The following GRIK2 variants were observed in gnomAD, a reference collection of about 807,000 sequenced individuals.
GRIK2 encodes the protein glutamate ionotropic receptor kainate type subunit 2.
Under a neutral mutation model 100.3 loss-of-function variants are expected in GRIK2, and 32 were observed. That is an observed-to-expected ratio of 0.32 (90% confidence interval 0.24 to 0.43). The LOEUF (loss-of-function observed/expected upper bound fraction) is 0.43. GRIK2 is among the 20% of genes least tolerant of loss of function. The pLI is 1.00. For missense variants in GRIK2, 843 were observed against 1,114.9 expected (o/e 0.76, Z 3.47); for synonymous variants, 417 against 389.4 (o/e 1.07, Z -0.83).
chr6:101,976,899 G>T (rs1338274789), intron 14 of GRIK2, among the ~76,000 whole-genome samples: 1 of 151,836 alleles, frequency 6.6e-6, no homozygotes, highest in Non-Finnish European at 1.5e-5. Flanking sequence ...ACTGAAGAGT[G>T]GGGGAATAGT....
At chr6:101,781,016 G>A (rs1461729088) in intron 7 of GRIK2, among the ~76,000 whole-genome samples, 1 of 152,158 alleles carries the variant, frequency 6.6e-6, no homozygotes, top group African/African-American at 2.4e-5. Flanking sequence ...TTTGCATCCT[G>A]CTCAGTTCAG....
chr6:101,398,198 G>A (rs1022671055), intron 1 of GRIK2, among the ~76,000 whole-genome samples: 1 of 152,106 alleles, frequency 6.6e-6, no homozygotes, highest in Non-Finnish European at 1.5e-5. Context: ...ACCAAAATAC[G>A]AAGAAATTTG....
At chr6:101,425,915 C>T (rs986238493) in intron 2 of GRIK2, among the ~76,000 whole-genome samples, 1 of 152,202 alleles carries the variant, frequency 6.6e-6, no homozygotes, top group African/African-American at 2.4e-5. Flanking sequence ...CTCACTAGCA[C>T]TGAGGCCATC....
chr6:101,492,281 C>A (rs1452694540), intron 2 of GRIK2, among the ~76,000 whole-genome samples: 1 of 151,792 alleles, frequency 6.6e-6, no homozygotes, highest in Non-Finnish European at 1.5e-5. Context: ...CATTTATTAG[C>A]TGATATTAAT....
chr6:101,803,117 G>T (rs1325336528), intron 9 of GRIK2, among the ~76,000 whole-genome samples: 1 of 151,774 alleles, frequency 6.6e-6, no homozygotes, highest in Non-Finnish European at 1.5e-5. Flanking sequence ...ATGTTATTTA[G>T]ATGTTATTAA....
chr6:101,483,773 G>A (rs1237213635), intron 2 of GRIK2, among the ~76,000 whole-genome samples: 2 of 151,914 alleles, frequency 1.3e-5, no homozygotes, highest in Admixed American at 6.6e-5. Context: ...GATGGGTTTC[G>A]CCATGTTGGC....
intron 14 of GRIK2, among the ~76,000 whole-genome samples, chr6:102,004,822 A>G (rs964950374): frequency 6.6e-6 from 1 of 151,818 alleles, no homozygotes; most frequent in African/African-American, 2.4e-5. Flanking sequence ...TTATATTGTT[A>G]TAGTTAAACT....
intron 12 of GRIK2, among the ~76,000 whole-genome samples, chr6:101,907,970 T>C (rs1202648682): frequency 6.6e-6 from 1 of 151,580 alleles, no homozygotes; most frequent in Admixed American, 6.6e-5. Context: ...ATCTTCCTCC[T>C]CCTTCTTCAT....
intron 2 of GRIK2, among the ~76,000 whole-genome samples, chr6:101,472,871 C>A (rs1375003189): frequency 6.6e-6 from 1 of 151,494 alleles, no homozygotes; most frequent in Admixed American, 6.6e-5. Flanking sequence ...TATTTATTTT[C>A]AATTTTTTTG....
chr6:101,744,105 G>A (rs2128379524), intron 7 of GRIK2, among the ~76,000 whole-genome samples: 1 of 151,980 alleles, frequency 6.6e-6, no homozygotes, highest in South Asian at 2.1e-4. Context: ...ACCACGCCCG[G>A]CTAATTTTTT....
At chr6:101,504,798 A>T (rs1773938997) in intron 2 of GRIK2, among the ~76,000 whole-genome samples, 1 of 152,106 alleles carries the variant, frequency 6.6e-6, no homozygotes, top group African/African-American at 2.4e-5. Flanking sequence ...GAATTTATGT[A>T]GCCTAGGATC....
chr6:101,665,718 A>G (rs1316209998), intron 4 of GRIK2, among the ~76,000 whole-genome samples: 3 of 152,202 alleles, frequency 2.0e-5, no homozygotes, highest in Non-Finnish European at 4.4e-5. Flanking sequence ...TTAGTCCAGT[A>G]TGTTAGAAGA....
chr6:102,002,747 A>G (rs1795016538), intron 14 of GRIK2, among the ~76,000 whole-genome samples: 1 of 150,838 alleles, frequency 6.6e-6, no homozygotes, highest in African/African-American at 2.4e-5. Context: ...AAGAACAATG[A>G]TAAAAAAAAC....
At chr6:101,581,320 GTA>G (rs890652840) in intron 2 of GRIK2, among the ~76,000 whole-genome samples, 19 of 151,564 alleles carry the variant, frequency 1.3e-4, no homozygotes, top group African/African-American at 4.6e-4. Flanking sequence ...ATATGTATAT[GTA>G]TATATAATTA....
intron 7 of GRIK2, among the ~76,000 whole-genome samples, chr6:101,690,705 T>C (rs903712564): frequency 6.6e-6 from 1 of 152,080 alleles, no homozygotes; most frequent in East Asian, 1.9e-4. Flanking sequence ...GCTTGCTCCC[T>C]GTTCCACCAA....
chr6:101,628,926 C>T (rs958252346), intron 4 of GRIK2, among the ~76,000 whole-genome samples: 3 of 152,078 alleles, frequency 2.0e-5, no homozygotes, highest in African/African-American at 7.2e-5. Flanking sequence ...CGTGTATGCA[C>T]ATGTGTGGCA....
chr6:101,862,941 G>T (rs989706819), intron 11 of GRIK2, among the ~76,000 whole-genome samples: 1 of 152,046 alleles, frequency 6.6e-6, no homozygotes. Flanking sequence ...TTGATGACTT[G>T]AAATTTTTTG....
intron 2 of GRIK2, among the ~76,000 whole-genome samples, chr6:101,405,117 A>G (rs1775526191): frequency 1.3e-5 from 2 of 152,218 alleles, no homozygotes; most frequent in South Asian, 4.1e-4. Flanking sequence ...GGTGCTGACT[A>G]AATAGAACGC....
chr6:101,822,842 C>A (rs1782042541), intron 10 of GRIK2, among the ~76,000 whole-genome samples: 1 of 151,846 alleles, frequency 6.6e-6, no homozygotes, highest in East Asian at 1.9e-4. Context: ...GGGTTTCAAC[C>A]AATCTGTTTA....
Sources: allele counts gnomAD v4.1 joint callset (sites outside exome capture counted in the v4.1 genomes callset), GRCh38; gene constraint gnomAD v4.1.1; transcripts MANE v1.5; gene names NCBI Gene and HGNC (gene_info 2026-07-23, HGNC 2026-07-21).